NEFM: variants seen among roughly 807,000 people sequenced by gnomAD.
NEFM encodes neurofilament medium chain.
In NEFM, 16 loss-of-function variants were observed where a neutral mutation model predicts 48.1. That is an observed-to-expected ratio of 0.33 (90% CI 0.23 to 0.51). The LOEUF (loss-of-function observed/expected upper bound fraction) is 0.51, where lower values mean the gene tolerates loss of function less well. NEFM is among the 20% of genes least tolerant of loss of function. NEFM has a pLI of 0.98. For missense variants in NEFM, 1,107 were observed against 1,136.0 expected, an observed-to-expected ratio of 0.97 and a Z score of 0.37; for synonymous variants, 465 against 456.9, an observed-to-expected ratio of 1.02 and a Z score of -0.23.
Position 24,917,863 on chromosome 8 carries a change from T to C in NEFM, c.2008T>C (p.Ser670Pro), listed in dbSNP as rs201305028. 3.2e-5 allele frequency: 51 copies of C among 1,611,406 alleles called. No homozygotes were observed. Among genetic ancestry groups the C allele is most frequent in the African/African-American group, 5.4e-5 (4 of 74,004 alleles). Residue 670 changes from serine (S) to proline (P), a missense_variant, in exon 3 of 3, where the codon TCA (serine) becomes CCA (proline). By Grantham distance (74) the Ser-to-Pro change is moderately conservative. Coordinates refer to ENST00000221166, the MANE Select transcript of NEFM (RefSeq NM_005382.2). ...GGAAGAGAAAGGCAAGTCTCCTGTGTCAAAATCACCAGTGGAAGAGAAAGC... is the reference window on the plus strand; with the variant it reads ...GGAAGAGAAAGGCAAGTCTCCTGTGCCAAAATCACCAGTGGAAGAGAAAGC... Reference protein sequence around the residue: ...PVEEKGKSPVSKSPVEEKAKS... With the variant: ...PVEEKGKSPVPKSPVEEKAKS...
In NEFM at chr8:24,915,778, G is replaced by A. The variant is rs73545170; in HGVS notation, c.1205+49G>A. On this transcript the variant is annotated intron_variant, in intron 2 of 2. Coordinates refer to ENST00000221166, the MANE Select transcript of NEFM (RefSeq NM_005382.2). ...GCCGGAACACTAACCGCAGTGCAGA[G>A]GCTGTTCCGGCAGAGCTTCCACCAC... 4,088 of 1,613,214 alleles carry A rather than the reference G, an allele frequency of 2.5e-3. 88 individuals are homozygous for A. The African/African-American group carries it at 0.047, about 19-fold the overall frequency.
chr8:24,915,837 T>A, intron 2 of NEFM, 108 bp downstream of exon 2: 1 of 1,401,160 alleles, frequency 7.1e-7, no homozygotes, highest in Non-Finnish European at 1.0e-6. Flanking sequence ...AGGCATCAAC[T>A]CAGCACCTGG....
In NEFM at chr8:24,914,369, G is replaced by A. The variant is rs1802539703; in HGVS notation, c.576G>A (p.Glu192=). 1 of 1,613,528 alleles carries A rather than the reference G, an allele frequency of 6.2e-7. No individual in the cohort carries two copies. The highest frequency in any genetic ancestry group is 1.7e-5 in the Admixed American group (1 of 60,010). The part of the protein sequence containing the change: ...IHRLKERFEE[E]ARLRDDTEAA... ...GGCTCAAGGAGCGCTTTGAGGAGGAGGCGCGGTTGCGCGACGACACTGAGG... is the reference window on the plus strand; with the variant it reads ...GGCTCAAGGAGCGCTTTGAGGAGGAAGCGCGGTTGCGCGACGACACTGAGG... Residue 192 remains glutamate (E), a synonymous_variant, in exon 1 of 3, where the codon GAG becomes GAA. Transcript: ENST00000221166.
At position 24,917,932 on chromosome 8, in the gene NEFM, A is replaced by G; in HGVS notation, c.2077A>G (p.Lys693Glu). 6.2e-7 allele frequency: 1 copy of G among 1,614,190 alleles called. No individual in the cohort carries two copies. Residue 693 changes from lysine (K) to glutamate (E), a missense_variant, in exon 3 of 3, where the codon AAA becomes GAA. Around this residue, in one of 3 missense-constraint regions of NEFM, gnomAD observed 917 missense variants for 916.4 expected, o/e 1.00. Transcript: ENST00000221166. ...PKSPVEEAKS[K>E]AEVGKGEQKE... Reference sequence around the variant, plus strand: ...ATCACCAGTGGAAGAGGCAAAGTCAAAAGCAGAAGTGGGGAAAGGTGAACA... The same window carrying G: ...ATCACCAGTGGAAGAGGCAAAGTCAGAAGCAGAAGTGGGGAAAGGTGAACA...
chr8:24,916,590 T>C (rs1802576423), intron 2 of NEFM, among the ~76,000 whole-genome samples: 1 of 152,272 alleles, frequency 6.6e-6, no homozygotes, highest in Non-Finnish European at 1.5e-5. Context: ...AACAAATTTA[T>C]AACTCGATAC....
Position 24,914,106 on chromosome 8 carries a change from C to T in NEFM, c.313C>T (p.Leu105=), listed in dbSNP as rs1451915481. The T allele has an allele frequency of 1.9e-6, 3 of 1,613,158 alleles. No individual in the cohort carries two copies. The highest frequency in any genetic ancestry group is 2.5e-6 in the Non-Finnish European group (3 of 1,179,990). Residue 105 remains leucine, a synonymous_variant, in exon 1 of 3, where the codon CTG becomes TTG. Transcript: ENST00000221166. ...KLSRSNEKEQ[L]QGLNDRFAGY... ...GTCCCGCTCCAACGAGAAGGAGCAGCTGCAGGGGCTGAACGACCGCTTTGC... is the reference window on the plus strand; with the variant it reads ...GTCCCGCTCCAACGAGAAGGAGCAGTTGCAGGGGCTGAACGACCGCTTTGC...
rs571919684 is a variant in NEFM, at chr8:24,916,493, G to A, written c.1206-568G>A. Among the ~76,000 whole-genome samples the A allele has an allele frequency of 3.0e-4, 46 of 152,190 alleles. No homozygotes were observed. In the South Asian group the frequency reaches 8.3e-3, roughly 27 times the overall value. On this transcript the variant is annotated intron_variant, in intron 2 of 2. Coordinates refer to ENST00000221166, the MANE Select transcript of NEFM (RefSeq NM_005382.2). Reference sequence around the variant, plus strand: ...ACCAATAAGGTAGTTATAATATAACGAGAATAAATTGCATTTACAGAGCTA... The same window carrying A: ...ACCAATAAGGTAGTTATAATATAACAAGAATAAATTGCATTTACAGAGCTA...
chr8:24,914,923 G>T, intron 1 of NEFM, 50 bp downstream of exon 1: 1 of 1,536,850 alleles, frequency 6.5e-7, no homozygotes, highest in South Asian at 1.2e-5. Context: ...AGCGCCGCGC[G>T]CCCCCGACAC....
intron 1 of NEFM, chr8:24,915,204 T>C (rs951087136): frequency 1.5e-6 from 2 of 1,296,296 alleles, no homozygotes; most frequent in Non-Finnish European, 2.0e-6. Flanking sequence ...GGATAGCTTA[T>C]GCAGAAACGC....
intron 2 of NEFM, 109 bp from the exon 3 acceptor site, chr8:24,916,952 G>A (rs991626195): frequency 3.4e-6 from 3 of 889,342 alleles, no homozygotes; most frequent in Non-Finnish European, 5.7e-6. Context: ...TTCTACTTAT[G>A]TAATTCTATT....
chr8:24,914,449 A>T lies in NEFM; in HGVS notation c.656A>T (p.Glu219Val). Residue 219 changes from glutamate to valine, a missense_variant, in exon 1 of 3, where the codon GAG (glutamate) becomes GTG (valine). By Grantham distance (121) the Glu-to-Val change is moderately radical (BLOSUM62 -2). This residue lies in a region of NEFM where 917 missense variants were observed against 916.4 expected (regional missense o/e 1.00). Transcript: ENST00000221166. ...DIEEASLVKV[E>V]LDKKVQSLQD... is the part of the protein sequence containing the mutation. ...GAGGAGGCGTCGCTGGTCAAGGTGG[A>T]GCTGGACAAGAAGGTGCAGTCGCTG... is the stretch of plus-strand genomic sequence containing the variant. 6.2e-7 allele frequency: 1 copy of T among 1,613,784 alleles called. No homozygotes were observed. The highest frequency in any genetic ancestry group is 8.5e-7 in the Non-Finnish European group (1 of 1,180,004).
Position 24,917,454 on chromosome 8 carries a change from G to C in NEFM, c.1599G>C (p.Gln533His). 6.4e-7 allele frequency: 1 copy of C among 1,555,470 alleles called. No individual in the cohort carries two copies. Among genetic ancestry groups the C allele is most frequent in the Non-Finnish European group, 8.7e-7 (1 of 1,148,980 alleles). The change falls in exon 3 of 3, where the codon CAG (glutamine) becomes CAC (histidine). Residue 533 changes from glutamine to histidine, a missense_variant. By Grantham distance (24) the Gln-to-His change is conservative (BLOSUM62 0). Around this residue, in one of 3 missense-constraint regions of NEFM, gnomAD observed 917 missense variants for 916.4 expected, o/e 1.00. Coordinates refer to ENST00000221166, the MANE Select transcript of NEFM (RefSeq NM_005382.2). The stretch of plus-strand genomic sequence containing the variant: ...GGGAAAAGGAGGAAGAAGAAGGCCA[G>C]GAAGAAGAGGAGGAAGAAGATGAGG... ...EEGEKEEEEGQEEEEEEDEGA... is the reference protein window; with the variant it reads ...EEGEKEEEEGHEEEEEEDEGA...
Position 24,918,264 on chromosome 8 carries a change from T to C in NEFM, c.2409T>C (p.Asn803=). Residue 803 remains asparagine, a synonymous_variant, in exon 3 of 3, where the codon AAT becomes AAC. Transcript: ENST00000221166. ...KGSRKEDIAV[N]GEVEGKEEVE... ...CCAGGAAGGAAGACATAGCTGTCAA[T>C]GGGGAGGTAGAAGGAAAAGAGGAGG... The C allele has an allele frequency of 1.3e-6, 2 of 1,591,854 alleles. No individual in the cohort carries two copies. Among genetic ancestry groups the C allele is most frequent in the Non-Finnish European group, 1.7e-6 (2 of 1,168,946 alleles).
rs1802618829 is a variant in NEFM, at chr8:24,918,552, G to A, written c.2697G>A (p.Lys899=). ...TFEEKLVSTK[K]VEKVTSHAIV... ...AGGAGAAACTAGTGTCTACTAAAAA[G>A]GTAGAAAAAGTCACTTCACACGCCA... Residue 899 remains lysine, a synonymous_variant, in exon 3 of 3, where the codon AAG becomes AAA. Coordinates refer to ENST00000221166, the MANE Select transcript of NEFM (RefSeq NM_005382.2). 2 of 1,613,396 alleles carry A rather than the reference G, an allele frequency of 1.2e-6. No individual in the cohort carries two copies. Among genetic ancestry groups the A allele is most frequent in the Non-Finnish European group, 8.5e-7 (1 of 1,179,996 alleles).
chr8:24,918,429 A>G lies in NEFM; in HGVS notation c.2574A>G (p.Val858=). Residue 858 remains valine (V), a synonymous_variant, in exon 3 of 3, where the codon GTA becomes GTG. Coordinates refer to ENST00000221166, the MANE Select transcript of NEFM (RefSeq NM_005382.2). ...SEEKVVVTKT[V]EKITSEGGDG... is the part of the protein sequence containing the mutation. ...AGAAAGTGGTGGTGACCAAAACGGT[A>G]GAAAAAATCACCAGTGAGGGGGGAG... The G allele has an allele frequency of 6.2e-7, 1 of 1,614,166 alleles. No individual in the cohort carries two copies. The highest frequency in any genetic ancestry group is 8.5e-7 in the Non-Finnish European group (1 of 1,180,036).
rs896141852 is a variant in NEFM at position 24,918,974 on chromosome 8, T to C, written c.*368T>C. 3.7e-6 allele frequency: 1 copy of C among 273,840 alleles called. No individual in the cohort carries two copies. Among genetic ancestry groups the C allele is most frequent in the African/African-American group, 2.2e-5 (1 of 45,172 alleles). The allele number at this position is 273,840 out of a possible 1,614,324, so 17.0% of individuals were successfully genotyped here. ...TAATTATGTTTACCTCACTGGTGCA[T>C]TTAAAATGGACTTTTGTTCATGGGA... On this transcript the variant is annotated 3_prime_UTR_variant, in exon 3 of 3. Coordinates refer to ENST00000221166, the MANE Select transcript of NEFM (RefSeq NM_005382.2).
At position 24,918,097 on chromosome 8, in the gene NEFM, A is replaced by C. The variant is rs1423071738; in HGVS notation, c.2242A>C (p.Thr748Pro). The C allele has an allele frequency of 6.4e-7, 1 of 1,552,088 alleles. No homozygotes were observed. The highest frequency in any genetic ancestry group is 8.7e-7 in the Non-Finnish European group (1 of 1,147,138). ...GGAGGAAGCTGTGGCAGAGGTGGTC[A>C]CCATCACCAAATCGGTAAAGGTGCA... Reference protein sequence around the residue: ...VKEEAVAEVVTITKSVKVHLE... With the variant: ...VKEEAVAEVVPITKSVKVHLE... The change falls in exon 3 of 3, where the codon ACC becomes CCC. Residue 748 changes from threonine to proline, a missense_variant. This residue lies in a region of NEFM where 917 missense variants were observed against 916.4 expected (regional missense o/e 1.00). Coordinates refer to ENST00000221166, the MANE Select transcript of NEFM (RefSeq NM_005382.2).
At chr8:24,915,757 G>A (rs757503617) in intron 2 of NEFM, 28 bp downstream of exon 2, 1 of 1,613,868 alleles carries the variant, frequency 6.2e-7, no homozygotes, top group Admixed American at 1.7e-5. Flanking sequence ...TGCGTGGCCG[G>A]AACACTAACC....
chr8:24,918,180 G>C lies in NEFM; in HGVS notation c.2325G>C (p.Glu775Asp), dbSNP rs1339667199. ...CACTGCAGCAGGAGAAAGAGAAGGA[G>C]AAAGCGGGAGGAGAGGGAGGAAGTG... Reference protein sequence around the residue: ...GKPLQQEKEKEKAGGEGGSEE... With the variant: ...GKPLQQEKEKDKAGGEGGSEE... The change falls in exon 3 of 3, where the codon GAG becomes GAC. Residue 775 changes from glutamate to aspartate, a missense_variant. By Grantham distance (45) the Glu-to-Asp change is conservative (BLOSUM62 2). Around this residue, in one of 3 missense-constraint regions of NEFM, gnomAD observed 917 missense variants for 916.4 expected, o/e 1.00. Transcript: ENST00000221166. The C allele has an allele frequency of 6.4e-7, 1 of 1,552,010 alleles. No homozygotes were observed. Among genetic ancestry groups the C allele is most frequent in the South Asian group, 1.2e-5 (1 of 84,118 alleles).
Sources: allele counts gnomAD v4.1 joint callset (sites outside exome capture counted in the v4.1 genomes callset), GRCh38; gene constraint gnomAD v4.1.1; regional missense constraint gnomAD v4.1.1; transcripts MANE v1.5; gene names NCBI Gene and HGNC (gene_info 2026-07-23, HGNC 2026-07-21).